Variants in NEBL observed in about 807,000 individuals in gnomAD.
NEBL encodes the protein LIM and SH3 protein 2.
In NEBL, 122 loss-of-function variants were observed where a neutral mutation model predicts 140.2. That is an observed-to-expected ratio of 0.87 (90% CI 0.75 to 1.01). The LOEUF (loss-of-function observed/expected upper bound fraction) is 1.01, where lower values mean the gene tolerates loss of function less well. NEBL is among the 50% of genes least tolerant of loss of function. The probability of loss-of-function intolerance (pLI) is 0.00; values close to 1 mark genes in which losing one functional copy is unlikely to be tolerated. For synonymous variants in NEBL, 436 were observed against 398.9 expected (o/e 1.09, Z -1.11); for missense variants, 1,365 against 1,231.3 (o/e 1.11, Z -1.62).
At chr10:20,884,447 T>A (rs1441783941) in intron 4 of NEBL, among the ~76,000 whole-genome samples, 1 of 152,156 alleles carries the variant, frequency 6.6e-6, no homozygotes, top group Non-Finnish European at 1.5e-5. Context: ...TTCAGAAAAT[T>A]CATAGATCTC....
chr10:21,183,102 A>T (rs1841411156), intron 3 of NEBL, among the ~76,000 whole-genome samples: 1 of 152,148 alleles, frequency 6.6e-6, no homozygotes, highest in African/African-American at 2.4e-5. Context: ...GAGTAATCAC[A>T]CTAGGGGCCC....
rs979124911 is a variant in NEBL, at chr10:20,883,481, G to A, written c.370-2577C>T. 4.6e-5 allele frequency among the ~76,000 whole-genome samples: 7 copies of A among 152,196 alleles called. No individual in the cohort carries two copies. The South Asian group carries it at 8.3e-4, about 18-fold the overall frequency. Reference sequence around the variant, plus strand: ...ACCCTTTAAGAACCTCCATTCAGGTGGAGAAAGTCCATTATCTCAGTTCTA... The same window carrying A: ...ACCCTTTAAGAACCTCCATTCAGGTAGAGAAAGTCCATTATCTCAGTTCTA... On this transcript the variant is annotated intron_variant, in intron 4 of 27. Transcript: ENST00000377122.
At chr10:20,867,862 T>C (rs1354389372) in intron 7 of NEBL, 5 of 152,034 alleles carry the variant, frequency 3.3e-5, no homozygotes, top group African/African-American at 1.2e-4. Flanking sequence ...CAGGACTCCC[T>C]ATTCTATCCT....
chr10:20,891,488 T>G (rs1280694562), intron 2 of NEBL, among the ~76,000 whole-genome samples: 1 of 152,202 alleles, frequency 6.6e-6, no homozygotes, highest in Non-Finnish European at 1.5e-5. Context: ...TTTGACTCAT[T>G]ATTTTTATCT....
At chr10:21,025,407 G>A (rs1053479640) in intron 2 of NEBL, among the ~76,000 whole-genome samples, 8 of 152,138 alleles carry the variant, frequency 5.3e-5, no homozygotes, top group Admixed American at 1.3e-4. Flanking sequence ...TAAAAATAAA[G>A]ACAGAGAGAA....
Position 20,845,327 on chromosome 10 carries a change from C to A in NEBL, c.1158G>T (p.Arg386Ser). Residue 386 changes from arginine to serine, a missense_variant, in exon 12 of 28, where the codon AGG becomes AGT. Around this residue, in one of 2 missense-constraint regions of NEBL, gnomAD observed 1,323 missense variants for 1,154.8 expected, o/e 1.15. Coordinates refer to ENST00000377122, the MANE Select transcript of NEBL (RefSeq NM_006393.3). Reference protein sequence around the residue: ...KEDFEKEIKGRSSLDLDKTPE... With the variant: ...KEDFEKEIKGSSSLDLDKTPE... ...GAGTCTTGTCTAAATCCAGTGATGA[C>A]CTTCCTTTAATCTCCTTCTCAAAAT... The A allele has an allele frequency of 1.9e-6, 3 of 1,605,902 alleles. No homozygotes were observed. Among genetic ancestry groups the A allele is most frequent in the East Asian group, 4.5e-5 (2 of 44,738 alleles).
chr10:20,880,937 A>G (rs1250624507), intron 4 of NEBL, 33 bp from the exon 5 acceptor site: 1 of 1,551,706 alleles, frequency 6.4e-7, no homozygotes, highest in Admixed American at 1.7e-5. Flanking sequence ...AGTCCCATTT[A>G]GAGGCATATA....
intron 4 of NEBL, among the ~76,000 whole-genome samples, chr10:20,938,620 T>A (rs910630782): frequency 3.3e-5 from 5 of 152,052 alleles, no homozygotes; most frequent in African/African-American, 1.2e-4. Context: ...AGAAGAAGGC[T>A]TCAGACAATC....
upstream of NEBL, among the ~76,000 whole-genome samples, chr10:21,179,438 T>C (rs1052751933): frequency 6.6e-6 from 1 of 152,118 alleles, no homozygotes; most frequent in African/African-American, 2.4e-5. Flanking sequence ...GTCCATGTCC[T>C]GATCATTTCA....
At chr10:20,922,154 C>T (rs928181097) in intron 4 of NEBL, among the ~76,000 whole-genome samples, 2 of 152,118 alleles carry the variant, frequency 1.3e-5, no homozygotes, top group African/African-American at 2.4e-5. Flanking sequence ...AAAGCACATG[C>T]GCTGGAGAGC....
At chr10:21,002,997 A>C (rs1837970867) in intron 3 of NEBL, among the ~76,000 whole-genome samples, 1 of 101,468 alleles carries the variant, frequency 9.9e-6, no homozygotes, top group Non-Finnish European at 1.8e-5. Flanking sequence ...TATTTTCATT[A>C]TGTGGCTTTT....
chr10:21,018,614 T>G (rs910718271), intron 3 of NEBL, among the ~76,000 whole-genome samples: 1 of 152,152 alleles, frequency 6.6e-6, no homozygotes, highest in Non-Finnish European at 1.5e-5. Flanking sequence ...TTAGATGGAC[T>G]GAGAAGTGAT....
chr10:20,823,323 A>T, intron 18 of NEBL, 23 bp from the exon 19 acceptor site: 1 of 1,512,096 alleles, frequency 6.6e-7, no homozygotes, highest in South Asian at 1.1e-5. Context: ...TAAGAATATA[A>T]CGTTAACTTT....
chr10:20,944,354 C>G lies in NEBL; in HGVS notation c.357+17318G>C, dbSNP rs139408605. On this transcript the variant is annotated intron_variant, in intron 4 of 6. Coordinates refer to the NEBL transcript ENST00000417816. ...GGCGGAGGGTGCACTGAGCCAAGAT[C>G]ACGTGACTGCACTCCAGCCTGGGCG... Among the ~76,000 whole-genome samples, 1,022 of 152,152 alleles carry G rather than the reference C, an allele frequency of 6.7e-3. 12 individuals carry two copies. Among genetic ancestry groups the G allele is most frequent in the African/African-American group, 0.023 (964 of 41,508 alleles).
intron 4 of NEBL, among the ~76,000 whole-genome samples, chr10:20,946,563 G>A (rs920644997): frequency 6.6e-6 from 1 of 152,122 alleles, no homozygotes; most frequent in African/African-American, 2.4e-5. Flanking sequence ...CTGAGTTCAA[G>A]CAATTCTCCC....
chr10:20,991,735 T>C (rs1837463220), intron 3 of NEBL, among the ~76,000 whole-genome samples: 1 of 152,028 alleles, frequency 6.6e-6, no homozygotes, highest in Non-Finnish European at 1.5e-5. Context: ...TAGTACCCAA[T>C]ACTTTGTCAA....
intron 3 of NEBL, among the ~76,000 whole-genome samples, chr10:21,238,664 G>A (rs1043431026): frequency 1.4e-5 from 2 of 142,880 alleles, no homozygotes; most frequent in South Asian, 2.2e-4. Flanking sequence ...GAGCCCTCGC[G>A]CCATTACACT....
intron 4 of NEBL, among the ~76,000 whole-genome samples, chr10:20,917,400 T>A (rs1332183032): frequency 6.6e-6 from 1 of 152,214 alleles, no homozygotes; most frequent in African/African-American, 2.4e-5. Flanking sequence ...TCTTTTTCAC[T>A]GATATACCCA....
At chr10:20,836,269 C>T (rs941333759) in intron 13 of NEBL, among the ~76,000 whole-genome samples, 3 of 152,072 alleles carry the variant, frequency 2.0e-5, no homozygotes, top group Non-Finnish European at 4.4e-5. Flanking sequence ...CTCGCGCAGG[C>T]TGGAGTGCAG....
Sources: allele counts gnomAD v4.1 joint callset (sites outside exome capture counted in the v4.1 genomes callset), GRCh38; gene constraint gnomAD v4.1.1; regional missense constraint gnomAD v4.1.1; transcripts MANE v1.5; gene names NCBI Gene and HGNC (gene_info 2026-07-23, HGNC 2026-07-21).